ATP8B1: variants seen among roughly 807,000 people sequenced by gnomAD.
ATP8B1 encodes the protein ATPase phospholipid transporting 8B1.
In ATP8B1, 80 loss-of-function variants were observed where a neutral mutation model predicts 149.9. The observed-to-expected ratio is 0.53, with a 90% CI of 0.45 to 0.64. ATP8B1 has a LOEUF of 0.64. Among genes scored for constraint, ATP8B1 ranks in the 30% least tolerant of loss-of-function variants. ATP8B1 has a pLI of 0.00. For synonymous variants in ATP8B1, 536 were observed against 562.8 expected, an observed-to-expected ratio of 0.95 and a Z score of 0.67; for missense variants, 1,247 against 1,552.6, an observed-to-expected ratio of 0.80 and a Z score of 3.31.
At chr18:57,658,585 CTT>C (rs1910164796) in intron 22 of ATP8B1, among the ~76,000 whole-genome samples, 1 of 151,730 alleles carries the variant, frequency 6.6e-6, no homozygotes, top group South Asian at 2.1e-4. Context: ...TTTTTTGACA[CTT>C]GAATAATTTC....
chr18:57,707,034 C>A (rs186878460), intron 2 of ATP8B1, among the ~76,000 whole-genome samples: 1 of 152,290 alleles, frequency 6.6e-6, no homozygotes, highest in African/African-American at 2.4e-5. Flanking sequence ...AGGCCGGGCG[C>A]GGTGGCTCAC....
intron 1 of ATP8B1, among the ~76,000 whole-genome samples, chr18:57,749,161 C>T (rs2079992998): frequency 6.6e-6 from 1 of 152,168 alleles, no homozygotes; most frequent in Non-Finnish European, 1.5e-5. Flanking sequence ...TCAATGTTTG[C>T]TTCCCCTTTA....
chr18:57,794,398 A>G (rs1480544963), intron 1 of ATP8B1, among the ~76,000 whole-genome samples: 2 of 150,886 alleles, frequency 1.3e-5, no homozygotes, highest in Admixed American at 6.7e-5. Flanking sequence ...CTGCCATGCT[A>G]CAGTCTGTAA....
chr18:57,761,651 T>C (rs1170958958), intron 1 of ATP8B1, among the ~76,000 whole-genome samples: 1 of 151,600 alleles, frequency 6.6e-6, no homozygotes, highest in Middle Eastern at 3.4e-3. Context: ...TTTCTTTTCC[T>C]ATTTTTTTTT....
At chr18:57,697,558 A>G in intron 8 of ATP8B1, 60 bp downstream of exon 8, 1 of 1,559,430 alleles carries the variant, frequency 6.4e-7, no homozygotes. Flanking sequence ...CCCCGATTTC[A>G]GTGGAATGAA....
At chr18:57,655,680 G>A (rs1364951474) in intron 22 of ATP8B1, among the ~76,000 whole-genome samples, 2 of 152,168 alleles carry the variant, frequency 1.3e-5, no homozygotes, top group Admixed American at 1.3e-4. Flanking sequence ...AATTCCATTT[G>A]GATTATCTGC....
chr18:57,697,749 G>T, intron 7 of ATP8B1, 46 bp downstream of exon 7: 1 of 1,611,120 alleles, frequency 6.2e-7, no homozygotes, highest in Non-Finnish European at 8.5e-7. Flanking sequence ...GAGCACAGGG[G>T]CTGGGGGAGA....
In ATP8B1 at chr18:57,694,652, A is replaced by T. The variant is rs1599124363; in HGVS notation, c.959T>A (p.Met320Lys). Residue 320 changes from methionine (M) to lysine (K), a missense_variant, in exon 11 of 28, where the codon ATG (methionine) becomes AAG (lysine). By Grantham distance (95) the Met-to-Lys change is moderately conservative. Around this residue, in one of 3 missense-constraint regions of ATP8B1, gnomAD observed 853 missense variants for 1,035.7 expected, o/e 0.82. Coordinates refer to ENST00000648908, the MANE Select transcript of ATP8B1 (RefSeq NM_001374385.1). ...VIFAGADTKI[M>K]KNSGKTRFKR... ...AAATCTGGTTTTCCCACTATTCTTC[A>T]TTATTTTAGTGTCAGCACCTGAAAA... The T allele has an allele frequency of 6.3e-7, 1 of 1,592,066 alleles. No homozygotes were observed. The highest frequency in any genetic ancestry group is 2.2e-5 in the East Asian group (1 of 44,762).
chr18:57,765,208 G>C (rs2123348226), intron 1 of ATP8B1, among the ~76,000 whole-genome samples: 1 of 152,336 alleles, frequency 6.6e-6, no homozygotes, highest in South Asian at 2.1e-4. Flanking sequence ...GGAATGCAGA[G>C]TAGGCAAATT....
At chr18:57,732,231 ATGTG>A (rs72039973) in intron 1 of ATP8B1, among the ~76,000 whole-genome samples, 1 of 8,702 alleles carries the variant, frequency 1.1e-4, no homozygotes, top group Non-Finnish European at 2.7e-4. Flanking sequence ...ATATGTATAT[ATGTG>A]TATATATATG....
intron 12 of ATP8B1, among the ~76,000 whole-genome samples, chr18:57,690,435 A>G (rs1234504749): frequency 1.3e-5 from 2 of 152,256 alleles, no homozygotes. Flanking sequence ...ATGTTTTCAA[A>G]GGACCTTTAT....
intron 1 of ATP8B1, among the ~76,000 whole-genome samples, chr18:57,755,130 C>A (rs1260198580): frequency 6.6e-6 from 1 of 150,686 alleles, no homozygotes. Context: ...CACATTACAC[C>A]AGCCAGCCTA....
chr18:57,648,781 T>C (rs1219596846), intron 27 of ATP8B1, 69 bp from the exon 28 acceptor site: 15 of 1,483,028 alleles, frequency 1.0e-5, no homozygotes, highest in Middle Eastern at 2.4e-4. Context: ...GGCCAGACGG[T>C]TGACAGAAAT....
At chr18:57,683,860 G>GT (rs1323765981) in intron 15 of ATP8B1, among the ~76,000 whole-genome samples, 176 bp downstream of exon 15, 34 of 152,306 alleles carry the variant, frequency 2.2e-4, no homozygotes, top group African/African-American at 8.2e-4. Flanking sequence ...CAAGAAGCTT[G>GT]TTTCCTACTT....
chr18:57,661,694 C>CAT (rs1379500624), intron 21 of ATP8B1, among the ~76,000 whole-genome samples: 16 of 82,198 alleles, frequency 1.9e-4, no homozygotes, highest in South Asian at 1.8e-3. Context: ...CACACACACA[C>CAT]ACATATATAT....
intron 1 of ATP8B1, among the ~76,000 whole-genome samples, chr18:57,775,246 G>A (rs1477440527): frequency 1.3e-5 from 2 of 152,124 alleles, no homozygotes; most frequent in Non-Finnish European, 2.9e-5. Context: ...GAGCCCAGGG[G>A]TCAAGGCTGC....
chr18:57,746,166 G>A (rs899807019), intron 1 of ATP8B1, among the ~76,000 whole-genome samples: 2 of 152,216 alleles, frequency 1.3e-5, no homozygotes, highest in African/African-American at 4.8e-5. Flanking sequence ...TTCTCTGTGT[G>A]TTTTTCCTTC....
chr18:57,730,280 T>G (rs319432), intron 2 of ATP8B1, among the ~76,000 whole-genome samples: 149,704 of 152,226 alleles, frequency 0.98, 73,662 homozygotes, highest in East Asian at 1. Flanking sequence ...TAGAAAGCCT[T>G]CAAGGGCAGA....
At chr18:57,648,808 C>T (rs1909376395) in intron 27 of ATP8B1, 96 bp from the exon 28 acceptor site, 9 of 1,202,834 alleles carry the variant, frequency 7.5e-6, no homozygotes, top group Non-Finnish European at 1.1e-5. Flanking sequence ...TGATGAACTC[C>T]CCTGACACCT....
Sources: gnomAD v4.1 joint callset for allele counts (sites outside exome capture counted in the v4.1 genomes callset) on GRCh38, gnomAD v4.1.1 for gene constraint, gnomAD v4.1.1 regional missense constraint, MANE v1.5 for transcripts, NCBI Gene and HGNC (gene_info 2026-07-23, HGNC 2026-07-21) for gene names.